Variants in EML4 observed in about 807,000 individuals in gnomAD.
EML4 encodes the protein echinoderm microtubule-associated protein-like 4.
A neutral mutation model predicts 129.0 loss-of-function variants in EML4; 72 were observed. The observed-to-expected ratio is 0.56, with a 90% confidence interval of 0.46 to 0.68. The LOEUF (loss-of-function observed/expected upper bound fraction) is 0.68, where lower values mean the gene tolerates loss of function less well. EML4 is among the 30% of genes least tolerant of loss of function. The pLI, the probability that EML4 is intolerant of heterozygous loss-of-function variation, is 0.00. For synonymous variants in EML4, 532 were observed against 405.0 expected, an observed-to-expected ratio of 1.31 and a Z score of -3.77; for missense variants, 1,363 against 1,190.6, an observed-to-expected ratio of 1.14 and a Z score of -2.13.
chr2:42,287,514 G>C (rs1294396553), intron 10 of EML4, among the ~76,000 whole-genome samples: 1 of 152,088 alleles, frequency 6.6e-6, no homozygotes, highest in Non-Finnish European at 1.5e-5. Flanking sequence ...CCCTTCCTCA[G>C]TGCCTCTCAC....
intron 2 of EML4, among the ~76,000 whole-genome samples, chr2:42,246,863 C>T (rs868321706): frequency 1.2e-4 from 18 of 152,092 alleles, no homozygotes; most frequent in South Asian, 4.1e-4. Flanking sequence ...CCATTGGATT[C>T]GGCATTTACA....
intron 19 of EML4, among the ~76,000 whole-genome samples, chr2:42,321,852 T>C (rs1669540549): frequency 6.6e-6 from 1 of 152,182 alleles, no homozygotes; most frequent in Non-Finnish European, 1.5e-5. Context: ...AACTAGATGC[T>C]TTGAGAATAA....
chr2:42,180,169 A>G (rs1466728276), intron 1 of EML4, among the ~76,000 whole-genome samples: 1 of 152,182 alleles, frequency 6.6e-6, no homozygotes, highest in East Asian at 1.9e-4. Flanking sequence ...AATTGGAACT[A>G]TCCTGTCTTC....
chr2:42,257,415 A>G (rs573630280), intron 3 of EML4, among the ~76,000 whole-genome samples: 23 of 152,212 alleles, frequency 1.5e-4, no homozygotes, highest in Non-Finnish European at 3.1e-4. Flanking sequence ...TACTGATGGA[A>G]AATGCTTACC....
chr2:42,284,190 A>G (rs1667166496), intron 8 of EML4, among the ~76,000 whole-genome samples: 1 of 152,226 alleles, frequency 6.6e-6, no homozygotes, highest in African/African-American at 2.4e-5. Context: ...AAAGTAAGAA[A>G]TGGCCTAAAA....
intron 8 of EML4, among the ~76,000 whole-genome samples, chr2:42,283,716 C>T (rs935523472): frequency 1.3e-5 from 2 of 152,100 alleles, no homozygotes; most frequent in Non-Finnish European, 1.5e-5. Flanking sequence ...TTGCCTTTTA[C>T]ACTTGCAGAA....
chr2:42,234,384 C>T lies in EML4; in HGVS notation c.26-11121C>T, dbSNP rs754517478. ...AACTGGTTTATATTGCTTACAACATCGGTGGTGGGAACGGAAGACAGCTTG... is the reference window on the plus strand; with the variant it reads ...AACTGGTTTATATTGCTTACAACATTGGTGGTGGGAACGGAAGACAGCTTG... On this transcript the variant is annotated intron_variant, in intron 1 of 22. Transcript: ENST00000318522. Among the ~76,000 whole-genome samples, 8 of 152,240 alleles carry T rather than the reference C, an allele frequency of 5.3e-5. No homozygotes were observed. The East Asian group carries it at 1.2e-3, about 22-fold the overall frequency.
chr2:42,228,806 T>C (rs1674139925), intron 1 of EML4, among the ~76,000 whole-genome samples: 1 of 152,192 alleles, frequency 6.6e-6, no homozygotes, highest in Non-Finnish European at 1.5e-5. Context: ...CCACAATGCT[T>C]GCTAGGGTTA....
At chr2:42,308,188 A>G (rs1313820019) in intron 17 of EML4, among the ~76,000 whole-genome samples, 1 of 152,224 alleles carries the variant, frequency 6.6e-6, no homozygotes, top group Non-Finnish European at 1.5e-5. Context: ...TATAACCTTA[A>G]GTGGACATAG....
chr2:42,288,972 T>C (rs1030398820), intron 11 of EML4: 1 of 152,190 alleles, frequency 6.6e-6, no homozygotes, highest in Non-Finnish European at 1.5e-5. Context: ...AAAAAGTCTG[T>C]GTAATATTTG....
At chr2:42,207,089 C>A (rs1264185435) in intron 1 of EML4, among the ~76,000 whole-genome samples, 1 of 152,090 alleles carries the variant, frequency 6.6e-6, no homozygotes, top group Admixed American at 6.6e-5. Flanking sequence ...GATTACTTTT[C>A]AATATAGTTC....
intron 1 of EML4, among the ~76,000 whole-genome samples, chr2:42,215,051 T>C (rs1673103013): frequency 6.6e-6 from 1 of 152,150 alleles, no homozygotes. Flanking sequence ...TCTATAACTC[T>C]GCATGGTAGA....
In EML4 at chr2:42,275,386, T is replaced by G. The variant is rs556495924; in HGVS notation, c.668-5464T>G. Among the ~76,000 whole-genome samples the G allele has an allele frequency of 1.2e-4, 19 of 152,310 alleles. No individual in the cohort carries two copies. In the South Asian group the frequency reaches 3.7e-3, roughly 30 times the overall value. ...ACAGAGCAGGTCTAGATCATAGTTTTAGAGTGGAAATGTTTCCCGAGTTCT... is the reference window on the plus strand; with the variant it reads ...ACAGAGCAGGTCTAGATCATAGTTTGAGAGTGGAAATGTTTCCCGAGTTCT... On this transcript the variant is annotated intron_variant, in intron 6 of 22. Coordinates refer to ENST00000318522, the MANE Select transcript of EML4 (RefSeq NM_019063.5).
At chr2:42,264,780 A>AT in intron 6 of EML4, 49 bp downstream of exon 6, 2 of 1,433,850 alleles carry the variant, frequency 1.4e-6, no homozygotes, top group Non-Finnish European at 9.6e-7. Flanking sequence ...TCTTAGTTTA[A>AT]TTTTTGCTAA....
Position 42,301,228 on chromosome 2 carries a change from T to C in EML4, c.1490-13T>C. ...GTATTATCACTAGTGTTTTTATTTT[T>C]CCCTCATATTAGGTGTATATCAAAT... On this transcript the variant is annotated splice_polypyrimidine_tract_variant and intron_variant, in intron 13 of 22. Transcript: ENST00000318522. 6.3e-7 allele frequency: 1 copy of C among 1,599,646 alleles called. No homozygotes were observed. The highest frequency in any genetic ancestry group is 8.5e-7 in the Non-Finnish European group (1 of 1,174,754).
At chr2:42,207,714 C>T (rs933431177) in intron 1 of EML4, among the ~76,000 whole-genome samples, 3 of 152,146 alleles carry the variant, frequency 2.0e-5, no homozygotes, top group Admixed American at 6.5e-5. Context: ...ACTTTCTGGT[C>T]TTCACTCAGT....
At chr2:42,193,091 G>C (rs138054842) in intron 1 of EML4, among the ~76,000 whole-genome samples, 2 of 152,220 alleles carry the variant, frequency 1.3e-5, no homozygotes, top group East Asian at 3.9e-4. Context: ...CCACATATGA[G>C]GGTATTTCCA....
intron 1 of EML4, among the ~76,000 whole-genome samples, chr2:42,196,026 G>A (rs1033753888): frequency 6.6e-6 from 1 of 152,110 alleles, no homozygotes; most frequent in Non-Finnish European, 1.5e-5. Flanking sequence ...ACCAGACTTA[G>A]ATATAGTATT....
intron 1 of EML4, among the ~76,000 whole-genome samples, chr2:42,217,574 T>C (rs1383594736): frequency 6.6e-6 from 1 of 152,226 alleles, no homozygotes; most frequent in Non-Finnish European, 1.5e-5. Context: ...TAATGCAGAC[T>C]TAAACGTAGA....
Sources: gnomAD v4.1 joint callset for allele counts (sites outside exome capture counted in the v4.1 genomes callset) on GRCh38, gnomAD v4.1.1 for gene constraint, MANE v1.5 for transcripts, NCBI Gene and HGNC (gene_info 2026-07-23, HGNC 2026-07-21) for gene names.